The following CILK1 variants were observed in gnomAD, a reference collection of about 807,000 sequenced individuals.
The protein encoded by CILK1 is serine/threonine-protein kinase ICK.
A neutral mutation model predicts 79.2 loss-of-function variants in CILK1; 47 were observed. The ratio of observed to expected loss-of-function variants is 0.59; its 90% confidence interval spans 0.47 to 0.76. The LOEUF is 0.76. Among genes scored for constraint, CILK1 ranks in the 30% least tolerant of loss-of-function variants. CILK1 has a pLI of 0.00. For synonymous variants in CILK1, 266 were observed against 275.9 expected, an observed-to-expected ratio of 0.96 and a Z score of 0.36; for missense variants, 660 against 769.5, an observed-to-expected ratio of 0.86 and a Z score of 1.68.
At chr6:53,031,236 G>A in intron 4 of CILK1, 92 bp from the exon 5 acceptor site, 1 of 825,008 alleles carries the variant, frequency 1.2e-6, no homozygotes, top group Non-Finnish European at 2.1e-6. Context: ...ATACAGGGGA[G>A]CTACCTTATA....
At chr6:53,006,545 T>C (rs529121383) in intron 12 of CILK1, 108 bp from the exon 13 acceptor site, 128 of 1,257,970 alleles carry the variant, frequency 1.0e-4, no homozygotes, top group Non-Finnish European at 1.4e-4. Context: ...TTTTTACTTT[T>C]AGGGAAAAGA....
At chr6:53,035,688 C>T (rs1031107850) in intron 3 of CILK1, among the ~76,000 whole-genome samples, 3 of 152,086 alleles carry the variant, frequency 2.0e-5, no homozygotes, top group African/African-American at 7.2e-5. Flanking sequence ...GTGGTGAGTA[C>T]CCAGGATTTC....
At position 53,019,369 on chromosome 6, in the gene CILK1, C is replaced by T. The variant is rs1765081915; in HGVS notation, c.359-10G>A. 1 of 1,613,886 alleles carries T rather than the reference C, an allele frequency of 6.2e-7. No homozygotes were observed. The highest frequency in any genetic ancestry group is 2.2e-5 in the East Asian group (1 of 44,844). On this transcript the variant is annotated splice_polypyrimidine_tract_variant and intron_variant, in intron 5 of 13. Coordinates refer to ENST00000676107, the MANE Select transcript of CILK1 (RefSeq NM_014920.5). Reference sequence around the variant, plus strand: ...TCTCGATGAAAGAAGCCTATAGAGACAGTAGAGGAGAAGAAATCCAAATGC... The same window carrying T: ...TCTCGATGAAAGAAGCCTATAGAGATAGTAGAGGAGAAGAAATCCAAATGC...
chr6:53,040,313 C>T lies in CILK1; in HGVS notation c.101+823G>A, dbSNP rs183736394. Among the ~76,000 whole-genome samples the T allele has an allele frequency of 5.4e-4, 82 of 152,338 alleles. 1 individual carries two copies. In the Middle Eastern group the frequency reaches 0.01, roughly 19 times the overall value. ...ATTAATTTACAAAAGCAAGATATGA[C>T]TTCCATCTCAGTACAAGTCTCTCAT... On this transcript the variant is annotated intron_variant, in intron 2 of 13. Transcript: ENST00000676107.
rs537839060 is a variant in CILK1 at position 53,027,905 on chromosome 6, T to C, written c.358+3160A>G. Among the ~76,000 whole-genome samples, 16 of 152,092 alleles carry C rather than the reference T, an allele frequency of 1.1e-4. 1 individual carries two copies. In the East Asian group the frequency reaches 3.1e-3, roughly 30 times the overall value. The stretch of plus-strand genomic sequence containing the variant: ...GCTCATGCCTGTAATCCCAGCACTT[T>C]GGGAGGCCGAGGCGGGTGGATCACG... On this transcript the variant is annotated intron_variant, in intron 5 of 13. Coordinates refer to ENST00000676107, the MANE Select transcript of CILK1 (RefSeq NM_014920.5).
At chr6:53,032,438 A>T in intron 4 of CILK1, 95 bp downstream of exon 4, 2 of 682,030 alleles carry the variant, frequency 2.9e-6, no homozygotes, top group Non-Finnish European at 4.1e-6. Flanking sequence ...ATAAAAAAAG[A>T]AAAAAAGGAG....
At chr6:53,057,886 T>C (rs754110655) in intron 1 of CILK1, 9 of 152,156 alleles carry the variant, frequency 5.9e-5, no homozygotes, top group Non-Finnish European at 1.3e-4. Flanking sequence ...CACGTGCTCC[T>C]TGGTAAAAAG....
At chr6:53,012,988 A>T (rs188990068) in intron 9 of CILK1, among the ~76,000 whole-genome samples, 1 of 152,254 alleles carries the variant, frequency 6.6e-6, no homozygotes, top group Non-Finnish European at 1.5e-5. Flanking sequence ...GGCTCAGTTA[A>T]TAGCCCAGCA....
Position 53,018,446 on chromosome 6 carries a change from C to T in CILK1, c.547G>A (p.Val183Ile), listed in dbSNP as rs759923813. Residue 183 changes from valine (V) to isoleucine (I), a missense_variant, in exon 7 of 14, where the codon GTC becomes ATC. Physicochemically the swap from Val to Ile is conservative, Grantham distance 29 (BLOSUM62 3). Coordinates refer to ENST00000676107, the MANE Select transcript of CILK1 (RefSeq NM_014920.5). ...GCCATGATGCAGCCCACCGCCCAGACGTCAATGGGGGAGCTGTAGTTGGTA... is the reference window on the plus strand; with the variant it reads ...GCCATGATGCAGCCCACCGCCCAGATGTCAATGGGGGAGCTGTAGTTGGTA... ...RSTNYSSPID[V>I]WAVGCIMAEV... 31 of 1,614,062 alleles carry T rather than the reference C, an allele frequency of 1.9e-5. 2 individuals carry two copies. The South Asian group carries it at 2.3e-4, about 12-fold the overall frequency.
At chr6:53,036,315 T>C (rs1384925367) in intron 3 of CILK1, among the ~76,000 whole-genome samples, 1 of 152,214 alleles carries the variant, frequency 6.6e-6, no homozygotes, top group Non-Finnish European at 1.5e-5. Context: ...TTTCGGATCA[T>C]CTCAAACTTT....
chr6:53,016,080 A>C lies in CILK1; in HGVS notation c.831+3T>G, dbSNP rs746416984. ...ACGTTATAACAAGAAAATGGAAGAA[A>C]ACCTGACTAGCTGTTGGTCGTTTCT... On this transcript the variant is annotated splice_donor_region_variant and intron_variant, in intron 8 of 13. Coordinates refer to ENST00000676107, the MANE Select transcript of CILK1 (RefSeq NM_014920.5). 6.2e-7 allele frequency: 1 copy of C among 1,613,846 alleles called. No homozygotes were observed. The highest frequency in any genetic ancestry group is 8.5e-7 in the Non-Finnish European group (1 of 1,179,818).
intron 1 of CILK1, among the ~76,000 whole-genome samples, chr6:53,053,716 G>C (rs535776598): frequency 3.3e-5 from 5 of 152,304 alleles, no homozygotes; most frequent in South Asian, 2.1e-4. Flanking sequence ...ATATGAAAAT[G>C]AATGATATGG....
At position 53,003,443 on chromosome 6, in the gene CILK1, T is replaced by C. The variant is rs917563146; in HGVS notation, c.*1706A>G. On this transcript the variant is annotated 3_prime_UTR_variant, in exon 14 of 14. Coordinates refer to ENST00000676107, the MANE Select transcript of CILK1 (RefSeq NM_014920.5). ...TCATTTCACCTATCATTTTAACCTA[T>C]AAAAATGATCACTTGGCTGGGTGCA... 1 of 152,190 alleles carries C rather than the reference T, an allele frequency of 6.6e-6. No individual in the cohort carries two copies. The highest frequency in any genetic ancestry group is 1.5e-5 in the Non-Finnish European group (1 of 68,042). The allele number at this position is 152,190 out of a possible 1,614,324, so 9.4% of individuals were successfully genotyped here. A position where few individuals can be genotyped will look rare whatever the true frequency, so the allele number is the denominator to read the frequency against.
intron 5 of CILK1, among the ~76,000 whole-genome samples, chr6:53,024,455 C>T (rs1334727592): frequency 6.6e-6 from 1 of 152,326 alleles, no homozygotes; most frequent in East Asian, 1.9e-4. Context: ...ATAACTGAGT[C>T]ATTGTGTTTG....
At chr6:53,028,144 CTCAAAAA>C (rs1246561439) in intron 5 of CILK1, among the ~76,000 whole-genome samples, 1 of 95,162 alleles carries the variant, frequency 1.1e-5, no homozygotes, top group African/African-American at 4.6e-5. Flanking sequence ...GAGACTCCGT[CTCAAAAA>C]AAAAAAAAAA....
chr6:53,058,192 T>C (rs1227203844), intron 1 of CILK1, among the ~76,000 whole-genome samples: 2 of 152,144 alleles, frequency 1.3e-5, no homozygotes, highest in South Asian at 4.1e-4. Flanking sequence ...TAAAACCTGT[T>C]GAGTAGTAGT....
Position 53,037,967 on chromosome 6 carries a change from TC to T in CILK1, c.127del (p.Glu43ArgfsTer4). On this transcript the variant is annotated frameshift_variant, in exon 3 of 14. Coordinates refer to ENST00000676107, the MANE Select transcript of CILK1 (RefSeq NM_014920.5). LOFTEE classifies it high-confidence loss of function. ...KKMKRKFYSW[E>X]ECMNLREVKS... Reference sequence around the variant, plus strand: ...AACCTCCCGAAGGTTCATGCATTCCTCCCAGGAATAAAATTTTCTTTTCATT... The same window carrying T: ...AACCTCCCGAAGGTTCATGCATTCCTCCAGGAATAAAATTTTCTTTTCATT... The T allele has an allele frequency of 1.3e-6, 2 of 1,594,414 alleles. No homozygotes were observed. Among genetic ancestry groups the T allele is most frequent in the Non-Finnish European group, 1.7e-6 (2 of 1,162,202 alleles).
At chr6:53,014,066 G>T in intron 8 of CILK1, 84 bp from the exon 9 acceptor site, 2 of 1,104,926 alleles carry the variant, frequency 1.8e-6, no homozygotes, top group South Asian at 1.3e-5. Context: ...ATTTCATTGT[G>T]ACCAGTTTAC....
intron 5 of CILK1, among the ~76,000 whole-genome samples, chr6:53,019,592 A>T (rs1765100186): frequency 6.6e-6 from 1 of 152,154 alleles, no homozygotes; most frequent in Non-Finnish European, 1.5e-5. Flanking sequence ...AATTTTTTTT[A>T]ACTAGAGAGA....
Sources: gnomAD v4.1 joint callset for allele counts (sites outside exome capture counted in the v4.1 genomes callset) on GRCh38, gnomAD v4.1.1 for gene constraint, MANE v1.5 for transcripts, NCBI Gene and HGNC (gene_info 2026-07-23, HGNC 2026-07-21) for gene names.